The following TBC1D16 variants were observed in gnomAD, a reference collection of about 807,000 sequenced individuals.
The protein encoded by TBC1D16 is TBC1 domain family member 16.
Under a neutral mutation model 74.7 loss-of-function variants are expected in TBC1D16, and 58 were observed. The observed-to-expected ratio is 0.78, with a 90% CI of 0.63 to 0.97. The LOEUF (loss-of-function observed/expected upper bound fraction) is 0.97. Ranked by LOEUF, TBC1D16 falls within the 50% of genes least tolerant of loss-of-function variation. The probability of loss-of-function intolerance (pLI) is 0.00; values close to 1 mark genes in which losing one functional copy is unlikely to be tolerated. For synonymous variants in TBC1D16, 493 were observed against 474.7 expected (o/e 1.04, Z -0.50); for missense variants, 1,014 against 1,079.5 (o/e 0.94, Z 0.85).
intron 3 of TBC1D16, among the ~76,000 whole-genome samples, chr17:79,960,807 A>AAAAAAAAAAAAAAAAAAACC (rs2033574287): frequency 7.1e-6 from 1 of 141,622 alleles, no homozygotes; most frequent in African/African-American, 2.7e-5. Flanking sequence ...AAAAAAAAAA[A>AAAAAAAAAAAAAAAAAAACC]AACGAAGGAA....
intron 1 of TBC1D16, among the ~76,000 whole-genome samples, chr17:80,032,897 G>A (rs1364968438): frequency 1.3e-5 from 2 of 152,204 alleles, no homozygotes; most frequent in African/African-American, 4.8e-5. Context: ...CTCAGCCAGG[G>A]AAGAAGGGGA....
At chr17:80,028,692 A>C (rs1486147786) in intron 1 of TBC1D16, among the ~76,000 whole-genome samples, 5 of 149,464 alleles carry the variant, frequency 3.3e-5, no homozygotes, top group South Asian at 2.1e-4. Context: ...GGCGCAATCT[A>C]AGGTCACTGC....
Position 79,954,197 on chromosome 17 carries a change from C to T in TBC1D16, c.780-1379G>A, listed in dbSNP as rs972118544. Among the ~76,000 whole-genome samples the T allele has an allele frequency of 3.3e-5, 5 of 152,198 alleles. No homozygotes were observed. Among genetic ancestry groups the T allele is most frequent in the East Asian group, 1.9e-4 (1 of 5,202 alleles). Reference sequence around the variant, plus strand: ...GCCGCATTCACCGCACCTGCCTTCCCGTTTGAGCTCAGAACATAAACTATT... The same window carrying T: ...GCCGCATTCACCGCACCTGCCTTCCTGTTTGAGCTCAGAACATAAACTATT... On this transcript the variant is annotated intron_variant, in intron 3 of 11. Coordinates refer to ENST00000310924, the MANE Select transcript of TBC1D16 (RefSeq NM_019020.4). The surrounding 1 kb of genome is among the most constrained non-coding windows in gnomAD (Gnocchi z 5.5).
In TBC1D16 at chr17:79,944,858, T is replaced by G; in HGVS notation, c.1908+50A>C. 6.7e-7 allele frequency: 1 copy of G among 1,488,810 alleles called. No homozygotes were observed. The highest frequency in any genetic ancestry group is 9.0e-7 in the Non-Finnish European group (1 of 1,110,922). 92.2% of individuals were successfully genotyped at this position (1,488,810 alleles called of 1,614,324 possible). ...CAGCAGGCAGGGTGGCCACGGTGGTTCAGGGGCCATGGTCCCAACCTCCCC... is the reference window on the plus strand; with the variant it reads ...CAGCAGGCAGGGTGGCCACGGTGGTGCAGGGGCCATGGTCCCAACCTCCCC... On this transcript the variant is annotated intron_variant, in intron 10 of 11. Coordinates refer to ENST00000310924, the MANE Select transcript of TBC1D16 (RefSeq NM_019020.4). The surrounding 1 kb of genome is among the most constrained non-coding windows in gnomAD (Gnocchi z 7.7).
At chr17:79,996,768 C>T (rs929480267) in intron 3 of TBC1D16, among the ~76,000 whole-genome samples, 2 of 152,048 alleles carry the variant, frequency 1.3e-5, no homozygotes, top group Non-Finnish European at 2.9e-5. Flanking sequence ...ACAATCAATC[C>T]ACATATGACT....
intron 3 of TBC1D16, among the ~76,000 whole-genome samples, chr17:79,995,012 GC>G (rs1345946124): frequency 6.6e-6 from 1 of 152,116 alleles, no homozygotes; most frequent in African/African-American, 2.4e-5. Context: ...TAAAAATGTA[GC>G]TATGGCCGGG....
Position 80,024,526 on chromosome 17 carries a change from T to TACACACACCACACACCATATACACACACA in TBC1D16, c.-62-10918_-62-10917insTGTGTGTGTATATGGTGTGTGGTGTGTGT, listed in dbSNP as rs1568648497. Among the ~76,000 whole-genome samples, 2 of 73,896 alleles carry TACACACACCACACACCATATACACACACA rather than the reference T, an allele frequency of 2.7e-5. 1 individual carries two copies. Among genetic ancestry groups the TACACACACCACACACCATATACACACACA allele is most frequent in the African/African-American group, 1.1e-4 (2 of 17,680 alleles). The allele number at this position is 73,896 out of a possible 152,430, so 48.5% of individuals were successfully genotyped here. On this transcript the variant is annotated intron_variant, in intron 1 of 11. Coordinates refer to ENST00000310924, the MANE Select transcript of TBC1D16 (RefSeq NM_019020.4). ...CACCATAGACAAACCACGCACACCA[T>TACACACACCACACACCATATACACACACA]GCACACACCACACACCATATACACA...
rs944654766 is a variant in TBC1D16 at position 79,950,264 on chromosome 17, G to A, written c.1257+147C>T. On this transcript the variant is annotated intron_variant, in intron 6 of 11. Transcript: ENST00000310924. The surrounding 1 kb of genome is among the most constrained non-coding windows in gnomAD (Gnocchi z 4.6). ...ATTGCTTTATCGGTGTGTTCACAGA[G>A]AGCCTCACACAAGAAAACGGGGCCC... is the stretch of plus-strand genomic sequence containing the variant. The A allele has an allele frequency of 2.4e-6, 2 of 835,324 alleles. No individual in the cohort carries two copies. Among genetic ancestry groups the A allele is most frequent in the Non-Finnish European group, 1.8e-6 (1 of 555,712 alleles). 51.7% of individuals were successfully genotyped at this position (835,324 alleles called of 1,614,324 possible). A position where few individuals can be genotyped will look rare whatever the true frequency, so the allele number is the denominator to read the frequency against.
intron 1 of TBC1D16, among the ~76,000 whole-genome samples, chr17:80,023,061 T>G (rs2036340788): frequency 6.7e-6 from 1 of 150,190 alleles, no homozygotes; most frequent in Non-Finnish European, 1.5e-5. Flanking sequence ...GCTGCACATG[T>G]GACAAACACG....
rs2033239738 is a variant in TBC1D16, at chr17:79,954,503, G to C, written c.780-1685C>G. 6.6e-6 allele frequency among the ~76,000 whole-genome samples: 1 copy of C among 152,198 alleles called. No homozygotes were observed. On this transcript the variant is annotated intron_variant, in intron 3 of 11. Transcript: ENST00000310924. This position sits in a 1 kb window ranked among gnomAD's most constrained non-coding sequence, Gnocchi z 5.5. ...AAGGAAACTGAGTCAGGTAAAACTA[G>C]ATCAGAGATGGGCATGTGGGGCCAT...
At position 79,956,454 on chromosome 17, in the gene TBC1D16, A is replaced by G. The variant is rs1185377628; in HGVS notation, c.780-3636T>C. 1.3e-5 allele frequency among the ~76,000 whole-genome samples: 2 copies of G among 152,086 alleles called. No individual in the cohort carries two copies. Among genetic ancestry groups the G allele is most frequent in the Non-Finnish European group, 2.9e-5 (2 of 68,020 alleles). ...TTTTTTATAGAGATGGGGTTTTGCC[A>G]TGTTGCCCAGGCTGGTCTCAAACTC... On this transcript the variant is annotated intron_variant, in intron 3 of 11. Coordinates refer to ENST00000310924, the MANE Select transcript of TBC1D16 (RefSeq NM_019020.4). This position sits in a 1 kb window ranked among gnomAD's most constrained non-coding sequence, Gnocchi z 4.0.
rs376605268 is a variant in TBC1D16 at position 80,013,340 on chromosome 17, C to G, written c.181+27G>C. 34 of 1,578,288 alleles carry G rather than the reference C, an allele frequency of 2.2e-5. No homozygotes were observed. The African/African-American group carries it at 4.3e-4, about 20-fold the overall frequency. On this transcript the variant is annotated intron_variant, in intron 2 of 11. Coordinates refer to ENST00000310924, the MANE Select transcript of TBC1D16 (RefSeq NM_019020.4). ...CGGAAAATAACCTGGGCTGTGCGAC[C>G]CTGGAGCCTCGCCTGCCCTGGCTCA... is the stretch of plus-strand genomic sequence containing the variant.
chr17:79,942,174 G>A lies in TBC1D16; in HGVS notation c.1941C>T (p.Ala647=), dbSNP rs1191243283. ...CGTCATCCCCGTAGATGGCCACGAT[G>A]GCCACGCAGATGAAAAGGTGGAAGT... is the stretch of plus-strand genomic sequence containing the variant. ...TDYFHLFICV[A]IVAIYGDDVI... The change falls in exon 11 of 12, where the codon GCC becomes GCT. Residue 647 remains alanine (A), a synonymous_variant. Transcript: ENST00000310924. 1.9e-6 allele frequency: 3 copies of A among 1,607,380 alleles called. No homozygotes were observed. Among genetic ancestry groups the A allele is most frequent in the East Asian group, 4.5e-5 (2 of 44,706 alleles).
intron 1 of TBC1D16, among the ~76,000 whole-genome samples, chr17:80,025,468 C>A (rs370411861): frequency 6.7e-6 from 1 of 150,052 alleles, no homozygotes; most frequent in East Asian, 1.9e-4. Context: ...GAGGAGGGGG[C>A]GCCTAGGCTC....
chr17:80,010,871 T>A lies in TBC1D16; in HGVS notation c.182-114A>T. ...CCACTGCCCTTTAGTAAAGTGCCAG[T>A]CCGGCCTCAGATACAGCCTGGCCCT... is the stretch of plus-strand genomic sequence containing the variant. On this transcript the variant is annotated intron_variant, in intron 2 of 11. Coordinates refer to ENST00000310924, the MANE Select transcript of TBC1D16 (RefSeq NM_019020.4). The surrounding 1 kb of genome is among the most constrained non-coding windows in gnomAD (Gnocchi z 8.8). 1.4e-6 allele frequency: 1 copy of A among 699,200 alleles called. No homozygotes were observed. The highest frequency in any genetic ancestry group is 2.2e-6 in the Non-Finnish European group (1 of 457,174). 43.3% of individuals were successfully genotyped at this position (699,200 alleles called of 1,614,324 possible).
intron 1 of TBC1D16, among the ~76,000 whole-genome samples, chr17:80,020,924 C>T (rs968997503): frequency 6.7e-6 from 1 of 149,936 alleles, no homozygotes; most frequent in Non-Finnish European, 1.5e-5. Context: ...GGGAGGCTGA[C>T]GTGGGAGGAT....
At chr17:80,030,264 G>A (rs1015789120) in intron 1 of TBC1D16, among the ~76,000 whole-genome samples, 1 of 152,144 alleles carries the variant, frequency 6.6e-6, no homozygotes, top group Non-Finnish European at 1.5e-5. Context: ...GGCGGCCTCT[G>A]ACCTGCTCAC....
Position 79,979,846 on chromosome 17 carries a change from C to T in TBC1D16, c.780-27028G>A, listed in dbSNP as rs1461101473. Among the ~76,000 whole-genome samples, 1 of 152,058 alleles carries T rather than the reference C, an allele frequency of 6.6e-6. No homozygotes were observed. Among genetic ancestry groups the T allele is most frequent in the Non-Finnish European group, 1.5e-5 (1 of 68,000 alleles). ...GTAGCAAGGAGGGGAGGGGTCTTCA[C>T]AGACAGAGGCCTTGCTATGGGTGGG... On this transcript the variant is annotated intron_variant, in intron 3 of 11. Transcript: ENST00000310924. This position sits in a 1 kb window ranked among gnomAD's most constrained non-coding sequence, Gnocchi z 4.8.
rs1369558968 is a variant in TBC1D16 at position 79,954,171 on chromosome 17, A to G, written c.780-1353T>C. Among the ~76,000 whole-genome samples the G allele has an allele frequency of 6.6e-6, 1 of 152,200 alleles. No individual in the cohort carries two copies. Among genetic ancestry groups the G allele is most frequent in the Non-Finnish European group, 1.5e-5 (1 of 68,036 alleles). On this transcript the variant is annotated intron_variant, in intron 3 of 11. Transcript: ENST00000310924. The surrounding 1 kb of genome is among the most constrained non-coding windows in gnomAD (Gnocchi z 5.5). Reference sequence around the variant, plus strand: ...CAACTGCAGCACCCCACAGAGACTCAGCCGCATTCACCGCACCTGCCTTCC... The same window carrying G: ...CAACTGCAGCACCCCACAGAGACTCGGCCGCATTCACCGCACCTGCCTTCC...
Sources: gnomAD v4.1 joint callset for allele counts (sites outside exome capture counted in the v4.1 genomes callset) on GRCh38, gnomAD v4.1.1 for gene constraint, Gnocchi (gnomAD v3.1) non-coding constraint, MANE v1.5 for transcripts, NCBI Gene and HGNC (gene_info 2026-07-23, HGNC 2026-07-21) for gene names.